Variants in DLGAP5 observed in about 807,000 individuals in gnomAD.
The protein encoded by DLGAP5 is disks large-associated protein 5.
In DLGAP5, 90 loss-of-function variants were observed where a neutral mutation model predicts 99.6. The ratio of observed to expected loss-of-function variants is 0.90; its 90% confidence interval spans 0.76 to 1.08. The LOEUF is 1.08. Ranked by LOEUF, DLGAP5 falls within the 50% of genes least tolerant of loss-of-function variation. The pLI, the probability that DLGAP5 is intolerant of heterozygous loss-of-function variation, is 0.00. For missense variants in DLGAP5, 1,036 were observed against 983.5 expected, an observed-to-expected ratio of 1.05 and a Z score of -0.71; for synonymous variants, 311 against 321.3, an observed-to-expected ratio of 0.97 and a Z score of 0.34.
rs537700443 is a variant in DLGAP5 at position 55,162,357 on chromosome 14, T to G, written c.1653+614A>C. Among the ~76,000 whole-genome samples, 10 of 152,276 alleles carry G rather than the reference T, an allele frequency of 6.6e-5. No homozygotes were observed. In the East Asian group the frequency reaches 1.9e-3, roughly 29 times the overall value. ...CCTTTAGGCCGGGCACGGTGGCTCA[T>G]GCCTGTAATCCCAGCACTTTGGGAG... On this transcript the variant is annotated intron_variant, in intron 13 of 18. Transcript: ENST00000247191.
chr14:55,169,457 C>A lies in DLGAP5; in HGVS notation c.1490G>T (p.Gly497Val). Reference protein sequence around the residue: ...GLVDDCEYKRGIKETTCTDLD... With the variant: ...GLVDDCEYKRVIKETTCTDLD... ...ATCTGTACAGGTAGTCTCCTTTATA[C>A]CTCGTTTATATTCACAATCATCAAC... Residue 497 changes from glycine to valine, a missense_variant, in exon 12 of 19, where the codon GGT becomes GTT. By Grantham distance (109) the Gly-to-Val change is moderately radical. Coordinates refer to ENST00000247191, the MANE Select transcript of DLGAP5 (RefSeq NM_014750.5). 1.2e-6 allele frequency: 2 copies of A among 1,612,658 alleles called. No homozygotes were observed. Among genetic ancestry groups the A allele is most frequent in the Non-Finnish European group, 1.7e-6 (2 of 1,179,504 alleles).
At chr14:55,155,331 G>A (rs1178653585) in intron 14 of DLGAP5, among the ~76,000 whole-genome samples, 1 of 149,268 alleles carries the variant, frequency 6.7e-6, no homozygotes, top group Non-Finnish European at 1.5e-5. Context: ...GGCCTGAACA[G>A]AGATAACCTT....
intron 7 of DLGAP5, among the ~76,000 whole-genome samples, chr14:55,178,544 G>C (rs1378834414): frequency 1.3e-5 from 2 of 152,196 alleles, no homozygotes; most frequent in East Asian, 1.9e-4. Flanking sequence ...ACCTGGACAA[G>C]AGTTTAAGTG....
chr14:55,186,287 A>C (rs1244837973), intron 2 of DLGAP5, among the ~76,000 whole-genome samples: 4 of 152,204 alleles, frequency 2.6e-5, no homozygotes, highest in Non-Finnish European at 4.4e-5. Flanking sequence ...ATAAAAATAA[A>C]ATAAAATAAA....
At chr14:55,190,978 A>G (rs1483092605) in intron 1 of DLGAP5, 3 of 152,234 alleles carry the variant, frequency 2.0e-5, no homozygotes, top group African/African-American at 7.2e-5. Context: ...TCGCTCTCAT[A>G]CAGATGAGGT....
chr14:55,169,472 C>A lies in DLGAP5; in HGVS notation c.1475G>T (p.Cys492Phe), dbSNP rs764945640. 6.2e-7 allele frequency: 1 copy of A among 1,612,636 alleles called. No individual in the cohort carries two copies. Among genetic ancestry groups the A allele is most frequent in the Non-Finnish European group, 8.5e-7 (1 of 1,179,528 alleles). The change falls in exon 12 of 19, where the codon TGT becomes TTT. Residue 492 changes from cysteine (C) to phenylalanine (F), a missense_variant. By Grantham distance (205) the Cys-to-Phe change is radical. Transcript: ENST00000247191. Reference sequence around the variant, plus strand: ...CTCCTTTATACCTCGTTTATATTCACAATCATCAACCAGTCCTTCAAACTG... The same window carrying A: ...CTCCTTTATACCTCGTTTATATTCAAAATCATCAACCAGTCCTTCAAACTG... Reference protein sequence around the residue: ...FKQFEGLVDDCEYKRGIKETT... With the variant: ...FKQFEGLVDDFEYKRGIKETT...
rs1000717365 is a variant in DLGAP5 at position 55,153,530 on chromosome 14, C to T, written c.2064-883G>A. 3.2e-5 allele frequency among the ~76,000 whole-genome samples: 4 copies of T among 125,646 alleles called. 1 individual carries two copies. The highest frequency in any genetic ancestry group is 1.5e-4 in the African/African-American group (4 of 26,868). The allele number at this position is 125,646 out of a possible 152,430, so 82.4% of individuals were successfully genotyped here. A position where few individuals can be genotyped will look rare whatever the true frequency, so the allele number is the denominator to read the frequency against. ...CACTCCAGCCTCAGCAACAGAGCGA[C>T]ACTCCGTCTCAAAAAAAAAAAAAAA... On this transcript the variant is annotated intron_variant, in intron 15 of 18. Transcript: ENST00000247191.
In DLGAP5 at chr14:55,180,769, G is replaced by C. The variant is rs1883245219; in HGVS notation, c.590C>G (p.Pro197Arg). The C allele has an allele frequency of 6.2e-7, 1 of 1,614,070 alleles. No individual in the cohort carries two copies. Among genetic ancestry groups the C allele is most frequent in the East Asian group, 2.2e-5 (1 of 44,880 alleles). ...CATTCTCAACGACGTGGGCATTACA[G>C]GCTGCACAACTGTGGGAAAAAAAAA... ...VSDKEKKVVQ[P>R]VMPTSLRMTR... Residue 197 changes from proline to arginine, a missense_variant, in exon 6 of 19, where the codon CCT becomes CGT. Coordinates refer to ENST00000247191, the MANE Select transcript of DLGAP5 (RefSeq NM_014750.5).
At chr14:55,177,389 T>C (rs1883111412) in intron 7 of DLGAP5, 53 bp from the exon 8 acceptor site, 2 of 1,483,588 alleles carry the variant, frequency 1.3e-6, no homozygotes, top group African/African-American at 2.8e-5. Flanking sequence ...TGAGGATATA[T>C]TCAACCAATT....
Position 55,163,060 on chromosome 14 carries a change from G to T in DLGAP5, c.1564C>A (p.His522Asn). 6.3e-7 allele frequency: 1 copy of T among 1,591,546 alleles called. No homozygotes were observed. The highest frequency in any genetic ancestry group is 8.6e-7 in the Non-Finnish European group (1 of 1,168,256). ...MVSFQIEDVI[H>N]KFNNLIKLEE... ...AGTTTGATCAGATTGTTGAATTTGT[G>T]GATTACATCTTCTATCTGTTAATAA... The change falls in exon 13 of 19, where the codon CAC (histidine) becomes AAC (asparagine). Residue 522 changes from histidine (H) to asparagine (N), a missense_variant. Coordinates refer to ENST00000247191, the MANE Select transcript of DLGAP5 (RefSeq NM_014750.5).
chr14:55,151,712 G>GT lies in DLGAP5; in HGVS notation c.2350dup (p.Thr784AsnfsTer2). 1.9e-6 allele frequency: 3 copies of GT among 1,612,672 alleles called. No homozygotes were observed. The highest frequency in any genetic ancestry group is 2.5e-6 in the Non-Finnish European group (3 of 1,179,574). On this transcript the variant is annotated frameshift_variant, in exon 17 of 19. Transcript: ENST00000247191. LOFTEE classifies it high-confidence loss of function. ...TATCTCACCTGACTGAGAAATTTTA[G>GT]TTTCCCCTTCTTCTAAGATGCTATT...
intron 12 of DLGAP5, among the ~76,000 whole-genome samples, chr14:55,165,350 C>T (rs1594670409): frequency 6.6e-6 from 1 of 151,908 alleles, no homozygotes; most frequent in Admixed American, 6.6e-5. Flanking sequence ...GATGACACCC[C>T]ACCTCTACAA....
At chr14:55,163,932 T>C (rs532363774) in intron 12 of DLGAP5, among the ~76,000 whole-genome samples, 29 of 152,374 alleles carry the variant, frequency 1.9e-4, no homozygotes, top group African/African-American at 6.7e-4. Flanking sequence ...AACAGTCTTT[T>C]ATCAGATACA....
chr14:55,165,343 G>A (rs1396953325), intron 12 of DLGAP5, among the ~76,000 whole-genome samples: 3 of 151,954 alleles, frequency 2.0e-5, no homozygotes, highest in African/African-American at 4.8e-5. Flanking sequence ...GTAACATGAT[G>A]ACACCCCACC....
chr14:55,183,729 T>C lies in DLGAP5; in HGVS notation c.263A>G (p.Asp88Gly). 1.9e-6 allele frequency: 3 copies of C among 1,601,170 alleles called. No homozygotes were observed. Among genetic ancestry groups the C allele is most frequent in the Non-Finnish European group, 2.6e-6 (3 of 1,174,662 alleles). Reference sequence around the variant, plus strand: ...TTTTTGGAGCATCTGTTTTCGTTGATCACCTAGAATAGTTTTCATTGCCCC... The same window carrying C: ...TTTTTGGAGCATCTGTTTTCGTTGACCACCTAGAATAGTTTTCATTGCCCC... ...KPRAMKTILG[D>G]QRKQMLQKYK... Residue 88 changes from aspartate to glycine, a missense_variant, in exon 3 of 19, where the codon GAT becomes GGT. Coordinates refer to ENST00000247191, the MANE Select transcript of DLGAP5 (RefSeq NM_014750.5).
Position 55,188,387 on chromosome 14 carries a change from G to A in DLGAP5, c.238+555C>T, listed in dbSNP as rs1883494901. 2.0e-5 allele frequency among the ~76,000 whole-genome samples: 3 copies of A among 152,122 alleles called. No individual in the cohort carries two copies. In the South Asian group the frequency reaches 6.2e-4, roughly 32 times the overall value. On this transcript the variant is annotated intron_variant, in intron 2 of 18. Transcript: ENST00000247191. ...ATCCTTCTGGGCAAACTGCAAGGAT[G>A]AATTCTTTGCTCTTTTCTTACTAAT...
At chr14:55,186,627 T>C (rs1240256760) in intron 2 of DLGAP5, among the ~76,000 whole-genome samples, 1 of 152,062 alleles carries the variant, frequency 6.6e-6, no homozygotes, top group Non-Finnish European at 1.5e-5. Context: ...CCATGTTTTC[T>C]ACAGACTACA....
intron 12 of DLGAP5, among the ~76,000 whole-genome samples, chr14:55,164,911 G>C (rs942816908): frequency 3.4e-5 from 4 of 118,244 alleles, no homozygotes; most frequent in African/African-American, 1.7e-4. Context: ...GACAGAGTGA[G>C]ACTCTGTCTC....
In DLGAP5 at chr14:55,151,949, TA is replaced by T. The variant is rs1177749128; in HGVS notation, c.2122-9del. On this transcript the variant is annotated splice_polypyrimidine_tract_variant and intron_variant, in intron 16 of 18. Transcript: ENST00000247191. ...GTCTGTCTTATTTACAACCTGGAAGTAAAAATGGCATTATATTTAATTATCA... is the reference window on the plus strand; with the variant it reads ...GTCTGTCTTATTTACAACCTGGAAGTAAAATGGCATTATATTTAATTATCA... 1.9e-6 allele frequency: 3 copies of T among 1,602,522 alleles called. No homozygotes were observed. The highest frequency in any genetic ancestry group is 3.5e-5 in the Admixed American group (2 of 57,394).
Sources: allele counts gnomAD v4.1 joint callset (sites outside exome capture counted in the v4.1 genomes callset), GRCh38; gene constraint gnomAD v4.1.1; transcripts MANE v1.5; gene names NCBI Gene and HGNC (gene_info 2026-07-23, HGNC 2026-07-21).